The following GPC5 variants were observed in gnomAD, a reference collection of about 807,000 sequenced individuals.
The protein encoded by GPC5 is glypican-5.
In GPC5, 47 loss-of-function variants were observed where a neutral mutation model predicts 53.9. That is an observed-to-expected ratio of 0.87 (90% confidence interval 0.69 to 1.11). GPC5 has a LOEUF of 1.11. GPC5 is among the 50% of genes most tolerant of loss of function. The pLI, the probability that GPC5 is intolerant of heterozygous loss-of-function variation, is 0.00. For synonymous variants in GPC5, 286 were observed against 263.3 expected (o/e 1.09, Z -0.84); for missense variants, 748 against 713.1 (o/e 1.05, Z -0.56).
At chr13:92,300,924 C>T (rs185286569) in intron 7 of GPC5, among the ~76,000 whole-genome samples, 29 of 152,292 alleles carry the variant, frequency 1.9e-4, no homozygotes, top group Non-Finnish European at 7.4e-5. Context: ...AATATAGATC[C>T]TGTTCCTTTT....
intron 2 of GPC5, among the ~76,000 whole-genome samples, chr13:91,526,641 C>T (rs10492619): frequency 0.074 from 11,286 of 152,208 alleles, 526 homozygotes; most frequent in South Asian, 0.27. Flanking sequence ...TCTACATCAG[C>T]GGCTATGACA....
chr13:92,243,851 T>C (rs532293075), intron 7 of GPC5, among the ~76,000 whole-genome samples: 1 of 152,190 alleles, frequency 6.6e-6, no homozygotes, highest in African/African-American at 2.4e-5. Context: ...AAAGAAGAGA[T>C]GGCAGCCAGA....
intron 7 of GPC5, among the ~76,000 whole-genome samples, chr13:92,321,915 T>C (rs1176921173): frequency 1.3e-5 from 2 of 152,090 alleles, no homozygotes; most frequent in Non-Finnish European, 2.9e-5. Context: ...GAAATAAATA[T>C]AATAATAGCA....
At chr13:92,814,221 C>T (rs759732367) in intron 7 of GPC5, among the ~76,000 whole-genome samples, 11 of 151,938 alleles carry the variant, frequency 7.2e-5, no homozygotes, top group Non-Finnish European at 1.6e-4. Context: ...AACTCAAAAT[C>T]TACCACAGAC....
At chr13:92,154,097 A>T (rs986545488) in intron 7 of GPC5, among the ~76,000 whole-genome samples, 4 of 152,170 alleles carry the variant, frequency 2.6e-5, no homozygotes, top group Non-Finnish European at 4.4e-5. Context: ...GAGGCTTACA[A>T]ACTGGTGGGA....
At chr13:92,064,374 G>C (rs1016254563) in intron 6 of GPC5, among the ~76,000 whole-genome samples, 1 of 152,136 alleles carries the variant, frequency 6.6e-6, no homozygotes, top group Non-Finnish European at 1.5e-5. Context: ...AATTGGTCTG[G>C]GGTACAGGCT....
chr13:92,589,595 C>T (rs1883653742), intron 7 of GPC5, among the ~76,000 whole-genome samples: 1 of 152,146 alleles, frequency 6.6e-6, no homozygotes, highest in Non-Finnish European at 1.5e-5. Flanking sequence ...ATTTTATGAT[C>T]ATGGCATTGT....
intron 3 of GPC5, among the ~76,000 whole-genome samples, chr13:91,697,170 G>A (rs1872757329): frequency 1.3e-5 from 2 of 152,088 alleles, no homozygotes; most frequent in South Asian, 2.1e-4. Context: ...TTGAAATGGA[G>A]TCTTGCTCTG....
At chr13:92,468,301 C>T (rs1347150920) in intron 7 of GPC5, among the ~76,000 whole-genome samples, 1 of 152,058 alleles carries the variant, frequency 6.6e-6, no homozygotes, top group Non-Finnish European at 1.5e-5. Flanking sequence ...AAGAGAAACG[C>T]TTAAATAAAG....
At chr13:92,126,098 G>A (rs1417526892) in intron 6 of GPC5, among the ~76,000 whole-genome samples, 2 of 151,610 alleles carry the variant, frequency 1.3e-5, no homozygotes, top group Non-Finnish European at 2.9e-5. Flanking sequence ...GGGATTATAG[G>A]CACGTGCCAC....
intron 7 of GPC5, among the ~76,000 whole-genome samples, chr13:92,843,562 T>C (rs1878502911): frequency 6.6e-6 from 1 of 152,126 alleles, no homozygotes; most frequent in African/African-American, 2.4e-5. Context: ...CTTAGATGGA[T>C]AGCACATATA....
intron 7 of GPC5, among the ~76,000 whole-genome samples, chr13:92,438,841 C>A (rs1877432274): frequency 6.6e-6 from 1 of 151,942 alleles, no homozygotes; most frequent in Admixed American, 6.6e-5. Flanking sequence ...GTAGCTTGAG[C>A]CACTGGAAGG....
intron 7 of GPC5, among the ~76,000 whole-genome samples, chr13:92,322,421 C>G (rs2043222368): frequency 6.6e-6 from 1 of 152,098 alleles, no homozygotes; most frequent in African/African-American, 2.4e-5. Context: ...TTTGAGAAAT[C>G]TTAAACATTT....
At chr13:92,347,929 T>C (rs1160700488) in intron 7 of GPC5, among the ~76,000 whole-genome samples, 1 of 52,668 alleles carries the variant, frequency 1.9e-5, no homozygotes, top group East Asian at 4.5e-4. Context: ...ATATATTATA[T>C]ATACATCTTA....
Position 92,782,213 on chromosome 13 carries a change from GT to G in GPC5, c.1562-84063del, listed in dbSNP as rs1377702422. On this transcript the variant is annotated intron_variant, in intron 7 of 7. Transcript: ENST00000377067. ...ATCTCCTTAGGATAATTTTGAACCAGTTTTTTATCCCCTTTCTACTTTACAT... is the reference window on the plus strand; with the variant it reads ...ATCTCCTTAGGATAATTTTGAACCAGTTTTTATCCCCTTTCTACTTTACAT... Among the ~76,000 whole-genome samples the G allele has an allele frequency of 3.3e-5, 5 of 152,096 alleles. No individual in the cohort carries two copies. The East Asian group carries it at 9.7e-4, about 29-fold the overall frequency.
chr13:91,885,783 A>T (rs575401077), intron 5 of GPC5, among the ~76,000 whole-genome samples: 1 of 152,236 alleles, frequency 6.6e-6, no homozygotes, highest in African/African-American at 2.4e-5. Context: ...CTCTTTTGTC[A>T]TTGTAGCCTT....
chr13:92,169,986 A>T (rs1361663590), intron 7 of GPC5, among the ~76,000 whole-genome samples: 1 of 152,024 alleles, frequency 6.6e-6, no homozygotes, highest in East Asian at 1.9e-4. Flanking sequence ...CATTCTTATA[A>T]TCAATAGCAT....
intron 7 of GPC5, among the ~76,000 whole-genome samples, chr13:92,589,706 G>T (rs1241562177): frequency 6.6e-6 from 1 of 152,114 alleles, no homozygotes; most frequent in East Asian, 1.9e-4. Flanking sequence ...GGTCTGTGGT[G>T]ACCCAATCAA....
chr13:92,441,845 C>T (rs1877582007), intron 7 of GPC5, among the ~76,000 whole-genome samples: 2 of 152,146 alleles, frequency 1.3e-5, no homozygotes, highest in African/African-American at 4.8e-5. Context: ...CTCTAAAATT[C>T]ATATGGAACC....
Sources: gnomAD v4.1 joint callset for allele counts (sites outside exome capture counted in the v4.1 genomes callset) on GRCh38, gnomAD v4.1.1 for gene constraint, MANE v1.5 for transcripts, NCBI Gene and HGNC (gene_info 2026-07-23, HGNC 2026-07-21) for gene names.